The following UBTD1 variants were observed in gnomAD, a reference collection of about 807,000 sequenced individuals.
The protein encoded by UBTD1 is ubiquitin domain containing 1.
Under a neutral mutation model 21.7 loss-of-function variants are expected in UBTD1, and 19 were observed. That is an observed-to-expected ratio of 0.87 (90% CI 0.61 to 1.28). The LOEUF is 1.28. UBTD1 is among the 50% of genes most tolerant of loss of function. The pLI is 0.00. For missense variants in UBTD1, 282 were observed against 315.1 expected (o/e 0.89, Z 0.80); for synonymous variants, 116 against 135.1 (o/e 0.86, Z 0.98).
At chr10:97,557,089 C>T (rs781270241) in intron 1 of UBTD1, among the ~76,000 whole-genome samples, 1 of 152,182 alleles carries the variant, frequency 6.6e-6, no homozygotes, top group African/African-American at 2.4e-5. Context: ...AACTAAGTGT[C>T]GGACTTCCCA....
chr10:97,524,271 GT>G (rs966306955), intron 1 of UBTD1, among the ~76,000 whole-genome samples: 10 of 140,656 alleles, frequency 7.1e-5, no homozygotes, highest in Non-Finnish European at 1.3e-4. Flanking sequence ...ATTTTTGTAT[GT>G]TTTTGTAGGG....
rs372609798 is a variant in UBTD1, at chr10:97,568,092, C to T, written c.249C>T (p.His83=). The change falls in exon 2 of 3, where the codon CAC becomes CAT. Residue 83 remains histidine, a synonymous_variant. Coordinates refer to ENST00000370664, the MANE Select transcript of UBTD1 (RefSeq NM_024954.5). ...CCTATGCTGCTGAAGCCAACGACCA[C>T]GAGCTGGCCCAGGCCATCCTGGATG... ...AAAYAAEAND[H]ELAQAILDGA... The T allele has an allele frequency of 2.2e-5, 36 of 1,613,812 alleles. No individual in the cohort carries two copies. Among genetic ancestry groups the T allele is most frequent in the Non-Finnish European group, 2.9e-5 (34 of 1,180,040 alleles).
chr10:97,541,389 G>T (rs191303188), intron 1 of UBTD1, among the ~76,000 whole-genome samples: 2 of 152,172 alleles, frequency 1.3e-5, no homozygotes, highest in Non-Finnish European at 2.9e-5. Context: ...GAGACGGGAG[G>T]ATTGCTTGAG....
intron 1 of UBTD1, among the ~76,000 whole-genome samples, chr10:97,516,547 G>A (rs1234864438): frequency 6.6e-6 from 1 of 151,600 alleles, no homozygotes; most frequent in Non-Finnish European, 1.5e-5. Context: ...AGGCTGAGGC[G>A]GGTGGATCAC....
intron 1 of UBTD1, among the ~76,000 whole-genome samples, chr10:97,540,478 A>G (rs779540505): frequency 1.3e-5 from 2 of 152,224 alleles, no homozygotes; most frequent in African/African-American, 4.8e-5. Flanking sequence ...GATGTAATAC[A>G]TATGAAGTGT....
At chr10:97,536,771 C>T (rs1334825437) in intron 1 of UBTD1, among the ~76,000 whole-genome samples, 1 of 152,098 alleles carries the variant, frequency 6.6e-6, no homozygotes, top group African/African-American at 2.4e-5. Flanking sequence ...AATGTCATTC[C>T]TCCTCTAGGA....
At chr10:97,500,260 C>G (rs1168655671) in intron 1 of UBTD1, among the ~76,000 whole-genome samples, 4 of 152,184 alleles carry the variant, frequency 2.6e-5, no homozygotes, top group Non-Finnish European at 5.9e-5. Context: ...TAAGAGGAGC[C>G]ACAGGCAGAG....
chr10:97,545,920 G>A (rs1191444679), intron 1 of UBTD1, among the ~76,000 whole-genome samples: 1 of 152,210 alleles, frequency 6.6e-6, no homozygotes, highest in African/African-American at 2.4e-5. Flanking sequence ...AAGTAGCTGG[G>A]ACTACAGGCA....
intron 1 of UBTD1, among the ~76,000 whole-genome samples, chr10:97,506,417 T>TTGC (rs1454112914): frequency 6.6e-6 from 1 of 152,234 alleles, no homozygotes; most frequent in African/African-American, 2.4e-5. Flanking sequence ...CCTACAATCA[T>TTGC]TGCTGTGTCT....
At chr10:97,499,398 T>G in intron 1 of UBTD1, 125 bp downstream of exon 1, 3 of 1,221,516 alleles carry the variant, frequency 2.5e-6, no homozygotes, top group Non-Finnish European at 3.3e-6. Flanking sequence ...GATGGGCTGC[T>G]CCGCAGCCAG....
At chr10:97,561,130 TG>T (rs1291825984) in intron 1 of UBTD1, among the ~76,000 whole-genome samples, 4 of 152,078 alleles carry the variant, frequency 2.6e-5, no homozygotes, top group Admixed American at 6.5e-5. Flanking sequence ...TAATCCTCCG[TG>T]GGGGCCTGCT....
At chr10:97,520,977 C>T (rs76632076) in intron 1 of UBTD1, among the ~76,000 whole-genome samples, 2,450 of 152,180 alleles carry the variant, frequency 0.016, 75 homozygotes, top group African/African-American at 0.056. Context: ...ATATCTCTTC[C>T]ACAATGTTCT....
chr10:97,557,012 T>A (rs1028605814), intron 1 of UBTD1, among the ~76,000 whole-genome samples: 1 of 152,224 alleles, frequency 6.6e-6, no homozygotes, highest in East Asian at 1.9e-4. Flanking sequence ...ATTGAGACTT[T>A]TAGAACCCAA....
intron 1 of UBTD1, among the ~76,000 whole-genome samples, chr10:97,549,990 A>T (rs2040628975): frequency 1.3e-5 from 2 of 152,134 alleles, no homozygotes; most frequent in South Asian, 4.1e-4. Context: ...TCCCGCTGCC[A>T]GGTGGGACAC....
intron 1 of UBTD1, among the ~76,000 whole-genome samples, chr10:97,564,626 C>T (rs545765469): frequency 4.3e-4 from 66 of 152,214 alleles, no homozygotes; most frequent in African/African-American, 1.4e-3. Context: ...TGCAGTGGCA[C>T]GATCTCAGCT....
chr10:97,534,692 G>T (rs1270034619), intron 1 of UBTD1, among the ~76,000 whole-genome samples: 1 of 152,062 alleles, frequency 6.6e-6, no homozygotes. Flanking sequence ...CACTTCTGGG[G>T]TAGAAAAGGT....
In UBTD1 at chr10:97,560,017, T is replaced by C. The variant is rs1222730267; in HGVS notation, c.71-7897T>C. Among the ~76,000 whole-genome samples the C allele has an allele frequency of 2.6e-5, 4 of 152,290 alleles. No individual in the cohort carries two copies. In the East Asian group the frequency reaches 5.8e-4, roughly 22 times the overall value. ...TTTTAATAGTCTTCAGGAGGCCTTA[T>C]TACTTTTAAATTATACAACATTTTT... On this transcript the variant is annotated intron_variant, in intron 1 of 2. Transcript: ENST00000370664.
intron 2 of UBTD1, among the ~76,000 whole-genome samples, 154 bp downstream of exon 2, chr10:97,568,295 T>A (rs1218630692): frequency 6.6e-6 from 1 of 152,126 alleles, no homozygotes; most frequent in East Asian, 1.9e-4. Context: ...CAGGAGTGGG[T>A]ACACAAAGAA....
intron 1 of UBTD1, among the ~76,000 whole-genome samples, chr10:97,525,684 G>A (rs2040485401): frequency 6.6e-6 from 1 of 152,096 alleles, no homozygotes. Flanking sequence ...TCTAATCACT[G>A]TATTTTTCTG....
Sources: gnomAD v4.1 joint callset for allele counts (sites outside exome capture counted in the v4.1 genomes callset) on GRCh38, gnomAD v4.1.1 for gene constraint, MANE v1.5 for transcripts, NCBI Gene and HGNC (gene_info 2026-07-23, HGNC 2026-07-21) for gene names.